SUGCT: variants seen among roughly 807,000 people sequenced by gnomAD.
SUGCT encodes the protein succinyl-CoA:glutarate-CoA transferase.
A neutral mutation model predicts 55.0 loss-of-function variants in SUGCT; 41 were observed. That is an observed-to-expected ratio of 0.74 (90% CI 0.58 to 0.97). The LOEUF (loss-of-function observed/expected upper bound fraction) is 0.97, where lower values mean the gene tolerates loss of function less well. Ranked by LOEUF, SUGCT falls within the 50% of genes least tolerant of loss-of-function variation. The probability of loss-of-function intolerance (pLI) is 0.00; values close to 1 mark genes in which losing one functional copy is unlikely to be tolerated. For missense variants in SUGCT, 568 were observed against 547.8 expected, an observed-to-expected ratio of 1.04 and a Z score of -0.37; for synonymous variants, 187 against 200.4, an observed-to-expected ratio of 0.93 and a Z score of 0.56.
chr7:40,722,801 C>T (rs1322372387), intron 12 of SUGCT, among the ~76,000 whole-genome samples: 2 of 152,076 alleles, frequency 1.3e-5, no homozygotes, highest in Non-Finnish European at 2.9e-5. Context: ...TGCCCCTTTG[C>T]GGTGAAGTAT....
intron 9 of SUGCT, among the ~76,000 whole-genome samples, chr7:40,354,059 C>T (rs1797770898): frequency 6.6e-6 from 1 of 152,108 alleles, no homozygotes; most frequent in African/African-American, 2.4e-5. Flanking sequence ...TTTGCCTCCC[C>T]CCGCAACAAG....
chr7:40,401,700 G>A (rs1460266831), intron 9 of SUGCT, among the ~76,000 whole-genome samples: 1 of 152,180 alleles, frequency 6.6e-6, no homozygotes, highest in Non-Finnish European at 1.5e-5. Flanking sequence ...TTAGAAACTA[G>A]TTTAATAATC....
At chr7:40,695,165 ATTTTTATTTATT>A (rs1275006593) in intron 12 of SUGCT, among the ~76,000 whole-genome samples, 16 of 135,510 alleles carry the variant, frequency 1.2e-4, no homozygotes, top group African/African-American at 4.4e-4. Context: ...CTAAACCCTT[ATTTTTATTTATT>A]TATTTATTTA....
chr7:40,916,070 T>TACAC, the SUGCT span, among the ~76,000 whole-genome samples: 2,748 of 144,814 alleles, frequency 0.019, 41 homozygotes, highest in Non-Finnish European at 0.023. Flanking sequence ...TCTCTCTACA[T>TACAC]ACACACACAC....
chr7:40,143,854 G>T (rs1424740911), intron 1 of SUGCT, among the ~76,000 whole-genome samples: 1 of 152,140 alleles, frequency 6.6e-6, no homozygotes, highest in Non-Finnish European at 1.5e-5. Context: ...CATAAAACTG[G>T]CTTAAAGAAG....
intron 13 of SUGCT, among the ~76,000 whole-genome samples, chr7:40,812,049 G>A (rs888301729): frequency 2.6e-5 from 4 of 152,048 alleles, no homozygotes; most frequent in Non-Finnish European, 4.4e-5. Flanking sequence ...TGTTTATGTG[G>A]TGAAGCACAT....
At chr7:40,747,877 G>A (rs1247084443) in intron 12 of SUGCT, among the ~76,000 whole-genome samples, 1 of 152,094 alleles carries the variant, frequency 6.6e-6, no homozygotes, top group Non-Finnish European at 1.5e-5. Flanking sequence ...ATCAGAATTT[G>A]GTTCCATGCC....
At chr7:40,337,025 G>A (rs1004940792) in intron 9 of SUGCT, among the ~76,000 whole-genome samples, 6 of 152,280 alleles carry the variant, frequency 3.9e-5, no homozygotes, top group Admixed American at 3.9e-4. Context: ...TTATTCAGGA[G>A]CAGGTTGTTC....
chr7:40,271,079 A>C (rs1791970272), intron 7 of SUGCT, among the ~76,000 whole-genome samples: 1 of 152,048 alleles, frequency 6.6e-6, no homozygotes, highest in African/African-American at 2.4e-5. Flanking sequence ...TACTAGTTCT[A>C]AGAGTTTTTT....
At chr7:40,913,255 G>A in the SUGCT span, among the ~76,000 whole-genome samples, 1 of 152,066 alleles carries the variant, frequency 6.6e-6, no homozygotes, top group East Asian at 1.9e-4. Context: ...CACACCATAA[G>A]CAGTGGGGCT....
chr7:40,615,511 G>A (rs1025619127), intron 12 of SUGCT, among the ~76,000 whole-genome samples: 1 of 152,150 alleles, frequency 6.6e-6, no homozygotes, highest in Non-Finnish European at 1.5e-5. Flanking sequence ...AAAGTCAGAA[G>A]GCCTTGGTGA....
intron 13 of SUGCT, among the ~76,000 whole-genome samples, chr7:40,820,285 T>C (rs1395126018): frequency 6.6e-6 from 1 of 152,162 alleles, no homozygotes; most frequent in African/African-American, 2.4e-5. Context: ...AAGTAGTTTT[T>C]TTCCAATTCT....
At chr7:40,335,597 T>A (rs1796640785) in intron 9 of SUGCT, among the ~76,000 whole-genome samples, 1 of 152,222 alleles carries the variant, frequency 6.6e-6, no homozygotes, top group Admixed American at 6.5e-5. Flanking sequence ...CACATTGATT[T>A]TGTATCCTGA....
the SUGCT span, among the ~76,000 whole-genome samples, chr7:41,003,808 T>C: frequency 6.6e-6 from 1 of 152,210 alleles, no homozygotes; most frequent in Non-Finnish European, 1.5e-5. Flanking sequence ...TCCAGGAGGT[T>C]CTCTCTGAAT....
At chr7:40,932,610 A>T in the SUGCT span, among the ~76,000 whole-genome samples, 1 of 152,050 alleles carries the variant, frequency 6.6e-6, no homozygotes, top group Admixed American at 6.6e-5. Flanking sequence ...GGGTGCTCCT[A>T]TATTGGGTGT....
chr7:40,772,578 G>GCCATCTAT (rs1789211970), intron 13 of SUGCT, among the ~76,000 whole-genome samples: 2 of 103,860 alleles, frequency 1.9e-5, no homozygotes, highest in Non-Finnish European at 4.1e-5. Context: ...TTATCTATCT[G>GCCATCTAT]CTATCTATCT....
intron 13 of SUGCT, among the ~76,000 whole-genome samples, chr7:40,786,165 G>A (rs571401015): frequency 7.7e-4 from 118 of 152,260 alleles, no homozygotes; most frequent in African/African-American, 2.7e-3. Flanking sequence ...CCTATGGAAG[G>A]TCAGTAAGTG....
chr7:40,555,984 T>G (rs888657855), intron 12 of SUGCT, among the ~76,000 whole-genome samples: 1 of 152,170 alleles, frequency 6.6e-6, no homozygotes, highest in Non-Finnish European at 1.5e-5. Flanking sequence ...TTTATCACCA[T>G]GTACCCTACA....
intron 1 of SUGCT, among the ~76,000 whole-genome samples, chr7:40,158,952 A>G (rs963002471): frequency 1.5e-4 from 23 of 152,324 alleles, no homozygotes; most frequent in East Asian, 1.2e-3. Context: ...GTCTGGCTCT[A>G]TTGCCTAGGA....
Sources: allele counts gnomAD v4.1 joint callset (sites outside exome capture counted in the v4.1 genomes callset), GRCh38; gene constraint gnomAD v4.1.1; transcripts MANE v1.5; gene names NCBI Gene and HGNC (gene_info 2026-07-23, HGNC 2026-07-21).